Variants in SYK observed in about 807,000 individuals in gnomAD.
SYK encodes spleen associated tyrosine kinase, also known as tyrosine-protein kinase SYK.
A neutral mutation model predicts 77.8 loss-of-function variants in SYK; 16 were observed. That is an observed-to-expected ratio of 0.21 (90% CI 0.14 to 0.31). The LOEUF is 0.31. Among genes scored for constraint, SYK ranks in the 10% least tolerant of loss-of-function variants. The pLI is 1.00. For missense variants in SYK, 529 were observed against 814.4 expected, an observed-to-expected ratio of 0.65 and a Z score of 4.26; for synonymous variants, 312 against 308.7, an observed-to-expected ratio of 1.01 and a Z score of -0.11.
Position 90,874,673 on chromosome 9 carries a change from C to A in SYK, c.1005C>A (p.Gly335=), listed in dbSNP as rs763568549. The A allele has an allele frequency of 1.2e-6, 2 of 1,612,218 alleles. No homozygotes were observed. The highest frequency in any genetic ancestry group is 1.7e-4 in the Middle Eastern group (1 of 5,992). ...PELAPWAADK[G]PQREALPMDT... ...GTATGTTTCTTGACTGCATTGCAGG[C>A]CCCCAGAGAGAAGCCCTACCCATGG... The change falls in exon 9 of 14, where the codon GGC becomes GGA. Residue 335 remains glycine (G), a splice_region_variant and synonymous_variant. Coordinates refer to ENST00000375754, the MANE Select transcript of SYK (RefSeq NM_003177.7).
chr9:90,894,350 C>G (rs1413071182), intron 13 of SYK, among the ~76,000 whole-genome samples: 2 of 152,192 alleles, frequency 1.3e-5, no homozygotes, highest in Non-Finnish European at 2.9e-5. Context: ...CCCTGGGAGG[C>G]CCGTGTCCCC....
intron 7 of SYK, among the ~76,000 whole-genome samples, chr9:90,870,686 C>T (rs1037929607): frequency 6.6e-6 from 1 of 152,166 alleles, no homozygotes; most frequent in Admixed American, 6.5e-5. Context: ...AGCCTATTCC[C>T]CAGCCAACAG....
At chr9:90,820,250 G>A (rs1825462441) in intron 1 of SYK, among the ~76,000 whole-genome samples, 1 of 152,182 alleles carries the variant, frequency 6.6e-6, no homozygotes, top group South Asian at 2.1e-4. Context: ...GAGGTCTGTA[G>A]GATGGTGACC....
chr9:90,841,370 T>C lies in SYK; in HGVS notation c.-41-2488T>C, dbSNP rs1826317376. On this transcript the variant is annotated intron_variant, in intron 1 of 13. Coordinates refer to ENST00000375754, the MANE Select transcript of SYK (RefSeq NM_003177.7). ...TAGTTTGTGTATACTGTGTGTAGTA[T>C]GTGTGCAGTGTGTGTGTAGTTTGTG... 2.1e-5 allele frequency among the ~76,000 whole-genome samples: 3 copies of C among 146,204 alleles called. No individual in the cohort carries two copies. In the South Asian group the frequency reaches 6.6e-4, roughly 32 times the overall value.
intron 1 of SYK, among the ~76,000 whole-genome samples, chr9:90,817,882 T>TGTGTGTGTGTGTGTGTGTGAGA (rs1302553724): frequency 4.5e-5 from 3 of 66,866 alleles, no homozygotes; most frequent in Non-Finnish European, 9.5e-5. Context: ...TGTGTGTGTG[T>TGTGTGTGTGTGTGTGTGTGAGA]GAGAGAGAGA....
intron 7 of SYK, 33 bp from the exon 8 acceptor site, chr9:90,874,171 G>C (rs777949269): frequency 6.4e-7 from 1 of 1,570,428 alleles, no homozygotes; most frequent in South Asian, 1.1e-5. Context: ...TGTGGATGAA[G>C]AAAAACAACC....
At chr9:90,817,744 T>G (rs2118369749) in intron 1 of SYK, among the ~76,000 whole-genome samples, 1 of 152,130 alleles carries the variant, frequency 6.6e-6, no homozygotes, top group East Asian at 1.9e-4. Flanking sequence ...TTCAGCATCA[T>G]TGTACAAATC....
chr9:90,885,840 C>T (rs759937099), intron 11 of SYK, among the ~76,000 whole-genome samples: 3 of 152,186 alleles, frequency 2.0e-5, no homozygotes, highest in Non-Finnish European at 4.4e-5. Flanking sequence ...GTGGATTTCT[C>T]AGCAGACACC....
chr9:90,826,323 C>G (rs1398225704), intron 1 of SYK, among the ~76,000 whole-genome samples: 1 of 152,226 alleles, frequency 6.6e-6, no homozygotes, highest in Admixed American at 6.5e-5. Flanking sequence ...GGATGTTGTG[C>G]ACATCAGTTG....
chr9:90,813,417 G>T (rs911785334), intron 1 of SYK, among the ~76,000 whole-genome samples: 10 of 151,010 alleles, frequency 6.6e-5, no homozygotes, highest in African/African-American at 2.2e-4. Context: ...CTAGAATTGT[G>T]GCTTAGACCT....
intron 1 of SYK, among the ~76,000 whole-genome samples, chr9:90,823,791 TA>T (rs1027142225): frequency 2.0e-5 from 3 of 151,902 alleles, no homozygotes; most frequent in Admixed American, 6.6e-5. Flanking sequence ...ACACATTAGG[TA>T]AAAAATATAT....
intron 4 of SYK, among the ~76,000 whole-genome samples, chr9:90,862,840 T>C (rs1402463685): frequency 6.6e-6 from 1 of 152,158 alleles, no homozygotes; most frequent in African/African-American, 2.4e-5. Flanking sequence ...AGCAGGACTT[T>C]GTTGGTGGTG....
At chr9:90,842,571 A>G (rs547399149) in intron 1 of SYK, among the ~76,000 whole-genome samples, 1 of 147,080 alleles carries the variant, frequency 6.8e-6, no homozygotes, top group African/African-American at 2.5e-5. Context: ...TTGTGTGTGT[A>G]GCATGTATGT....
chr9:90,819,630 A>G (rs7846786), intron 1 of SYK, among the ~76,000 whole-genome samples: 3,443 of 152,160 alleles, frequency 0.023, 141 homozygotes, highest in African/African-American at 0.078. Flanking sequence ...CCATGATTCA[A>G]TTACCCCCCT....
At chr9:90,879,571 C>T (rs71494432) in intron 11 of SYK, among the ~76,000 whole-genome samples, 28,596 of 152,004 alleles carry the variant, frequency 0.19, 3,024 homozygotes, top group Admixed American at 0.3. Context: ...TGAAGATTTA[C>T]CAAATAAACT....
At position 90,896,379 on chromosome 9, in the gene SYK, A is replaced by G. The variant is rs1014257359; in HGVS notation, c.*779A>G. ...TGGTGACTGGTAAATAAAGCCCTGC[A>G]TGGAGGCTGCACAGCAGGGGCAAGA... On this transcript the variant is annotated 3_prime_UTR_variant, in exon 14 of 14. Coordinates refer to ENST00000375754, the MANE Select transcript of SYK (RefSeq NM_003177.7). 1 of 233,156 alleles carries G rather than the reference A, an allele frequency of 4.3e-6. No homozygotes were observed. Among genetic ancestry groups the G allele is most frequent in the Non-Finnish European group, 8.5e-6 (1 of 118,038 alleles). The allele number at this position is 233,156 out of a possible 1,614,324, so 14.4% of individuals were successfully genotyped here. A position where few individuals can be genotyped will look rare whatever the true frequency, so the allele number is the denominator to read the frequency against.
intron 3 of SYK, among the ~76,000 whole-genome samples, chr9:90,855,716 G>C (rs10993722): frequency 0.16 from 23,610 of 151,340 alleles, 2,653 homozygotes; most frequent in African/African-American, 0.28. Context: ...GAGAGAGAGA[G>C]AGACAGACAG....
rs1825816196 is a variant in SYK, at chr9:90,829,857, G to A, written c.-41-14001G>A. 2.6e-5 allele frequency among the ~76,000 whole-genome samples: 4 copies of A among 152,170 alleles called. No homozygotes were observed. In the South Asian group the frequency reaches 6.2e-4, roughly 24 times the overall value. The stretch of plus-strand genomic sequence containing the variant: ...ATATCTGTTTTCTGTGTTAATTATG[G>A]CAAGGTGGGCATAGAGAAGAGATTT... On this transcript the variant is annotated intron_variant, in intron 1 of 13. Transcript: ENST00000375754.
intron 3 of SYK, 90 bp downstream of exon 3, chr9:90,845,684 T>A (rs1826565252): frequency 6.7e-7 from 1 of 1,499,064 alleles, no homozygotes; most frequent in African/African-American, 1.4e-5. Flanking sequence ...TGGCCCCACA[T>A]GACCCTGGGA....
Sources: allele counts gnomAD v4.1 joint callset (sites outside exome capture counted in the v4.1 genomes callset), GRCh38; gene constraint gnomAD v4.1.1; transcripts MANE v1.5; gene names NCBI Gene and HGNC (gene_info 2026-07-23, HGNC 2026-07-21).